The following DPP10 variants were observed in gnomAD, a reference collection of about 807,000 sequenced individuals.
DPP10 encodes the protein inactive dipeptidyl peptidase 10.
Under a neutral mutation model 120.9 loss-of-function variants are expected in DPP10, and 33 were observed. That is an observed-to-expected ratio of 0.27 (90% confidence interval 0.21 to 0.37). The LOEUF is 0.37. DPP10 is among the 10% of genes least tolerant of loss of function. The pLI is 1.00. For missense variants in DPP10, 816 were observed against 942.8 expected (o/e 0.87, Z 1.76); for synonymous variants, 337 against 326.1 (o/e 1.03, Z -0.36).
At chr2:115,197,655 C>T (rs2055381137) in intron 1 of DPP10, among the ~76,000 whole-genome samples, 2 of 152,150 alleles carry the variant, frequency 1.3e-5, no homozygotes. Flanking sequence ...GCCTTTAGAG[C>T]CTGCTATAAA....
chr2:114,852,151 CTTTTTTT>C (rs34580352), intron 1 of DPP10, among the ~76,000 whole-genome samples: 4 of 53,730 alleles, frequency 7.4e-5, no homozygotes, highest in African/African-American at 3.4e-4. Flanking sequence ...CGATTGCATC[CTTTTTTT>C]TTTTTTTTTT....
intron 1 of DPP10, among the ~76,000 whole-genome samples, chr2:114,608,657 C>T (rs760481830): frequency 1.6e-4 from 24 of 151,602 alleles, no homozygotes; most frequent in South Asian, 2.1e-4. Context: ...AATGATGCAC[C>T]GGGTAAAGCA....
chr2:115,813,145 C>T (rs917391854), intron 19 of DPP10, among the ~76,000 whole-genome samples: 2 of 146,762 alleles, frequency 1.4e-5, no homozygotes, highest in Non-Finnish European at 2.9e-5. Flanking sequence ...CCGCGCCCGG[C>T]TAATTTTTTG....
intron 5 of DPP10, among the ~76,000 whole-genome samples, chr2:115,596,521 CAT>C (rs2082998704): frequency 6.6e-6 from 1 of 152,082 alleles, no homozygotes; most frequent in Non-Finnish European, 1.5e-5. Flanking sequence ...CTTCACTTGT[CAT>C]ATTTCAAAGT....
intron 1 of DPP10, among the ~76,000 whole-genome samples, chr2:115,231,237 T>C (rs1343978835): frequency 6.6e-6 from 1 of 152,000 alleles, no homozygotes; most frequent in Admixed American, 6.6e-5. Flanking sequence ...TTATGAAGCC[T>C]AAAAAATTCT....
chr2:114,897,220 A>G (rs184922994), intron 1 of DPP10, among the ~76,000 whole-genome samples: 5 of 152,160 alleles, frequency 3.3e-5, no homozygotes, highest in East Asian at 1.9e-4. Flanking sequence ...GTCTCTGCCC[A>G]GCTTTGGTAT....
At chr2:114,763,589 G>A (rs1302885782) in intron 1 of DPP10, among the ~76,000 whole-genome samples, 3 of 152,016 alleles carry the variant, frequency 2.0e-5, no homozygotes, top group South Asian at 4.1e-4. Context: ...GCCAATATAA[G>A]GAGACTTCGT....
At chr2:115,598,703 G>A (rs1031422894) in intron 5 of DPP10, among the ~76,000 whole-genome samples, 1 of 151,220 alleles carries the variant, frequency 6.6e-6, no homozygotes, top group African/African-American at 2.4e-5. Context: ...TTAAAATAGG[G>A]CTTTTTTATA....
chr2:114,765,693 T>A (rs959237014), intron 1 of DPP10, among the ~76,000 whole-genome samples: 9 of 152,196 alleles, frequency 5.9e-5, no homozygotes, highest in African/African-American at 1.4e-4. Context: ...AATAATAATA[T>A]AATATCGAAC....
At chr2:115,537,143 G>T (rs1467347840) in intron 5 of DPP10, among the ~76,000 whole-genome samples, 1 of 151,922 alleles carries the variant, frequency 6.6e-6, no homozygotes, top group African/African-American at 2.4e-5. Flanking sequence ...CTTTAGCTTT[G>T]CATTCATTTA....
Position 114,758,250 on chromosome 2 carries a change from C to G in DPP10, c.60+315412C>G, listed in dbSNP as rs922463135. Reference sequence around the variant, plus strand: ...CTACCCAACTCTGTTCACTTTCTACCAAACAATCCTTCCCTAATATTGTAA... The same window carrying G: ...CTACCCAACTCTGTTCACTTTCTACGAAACAATCCTTCCCTAATATTGTAA... On this transcript the variant is annotated intron_variant, in intron 1 of 25. Coordinates refer to ENST00000410059, the MANE Select transcript of DPP10 (RefSeq NM_020868.6). 2.6e-5 allele frequency among the ~76,000 whole-genome samples: 4 copies of G among 152,290 alleles called. No individual in the cohort carries two copies. In the South Asian group the frequency reaches 8.3e-4, roughly 32 times the overall value.
intron 5 of DPP10, among the ~76,000 whole-genome samples, chr2:115,581,597 T>C (rs1051666529): frequency 6.6e-6 from 1 of 152,182 alleles, no homozygotes; most frequent in African/African-American, 2.4e-5. Flanking sequence ...TATAAAATTA[T>C]AGGTATGGTA....
chr2:115,082,312 G>A (rs976486077), intron 1 of DPP10, among the ~76,000 whole-genome samples: 1 of 152,134 alleles, frequency 6.6e-6, no homozygotes, highest in Admixed American at 6.6e-5. Context: ...TGGGCTTAAA[G>A]GAAGGTAGCC....
chr2:114,804,927 C>T (rs535943668), intron 1 of DPP10, among the ~76,000 whole-genome samples: 33 of 152,214 alleles, frequency 2.2e-4, no homozygotes, highest in Admixed American at 9.8e-4. Context: ...AGTTTGGCTG[C>T]GTCCCCACCC....
At chr2:114,727,733 C>T (rs952643779) in intron 1 of DPP10, among the ~76,000 whole-genome samples, 1 of 152,156 alleles carries the variant, frequency 6.6e-6, no homozygotes, top group Non-Finnish European at 1.5e-5. Flanking sequence ...TAAAGAACTC[C>T]TATAAACAAA....
At chr2:114,673,741 T>C (rs62165215) in intron 1 of DPP10, among the ~76,000 whole-genome samples, 9 of 152,152 alleles carry the variant, frequency 5.9e-5, no homozygotes, top group Non-Finnish European at 1.3e-4. Context: ...ATTACCTTTT[T>C]CTAAGTGTTA....
intron 1 of DPP10, among the ~76,000 whole-genome samples, chr2:114,924,106 A>G (rs1257079008): frequency 6.6e-6 from 1 of 152,090 alleles, no homozygotes; most frequent in Non-Finnish European, 1.5e-5. Flanking sequence ...CCTCACTTAC[A>G]ATGCAAATTT....
chr2:115,464,532 GA>G (rs1360760671), intron 3 of DPP10, among the ~76,000 whole-genome samples: 1 of 152,010 alleles, frequency 6.6e-6, no homozygotes, highest in Non-Finnish European at 1.5e-5. Flanking sequence ...TTAGCATCTT[GA>G]GAGCTTCAAA....
intron 1 of DPP10, among the ~76,000 whole-genome samples, chr2:114,939,272 A>AGG (rs377562350): frequency 6.6e-6 from 1 of 151,474 alleles, no homozygotes; most frequent in Non-Finnish European, 1.5e-5. Flanking sequence ...AGGTGTTGAA[A>AGG]GGGGGGGGTG....
Sources: allele counts gnomAD v4.1 joint callset (sites outside exome capture counted in the v4.1 genomes callset), GRCh38; gene constraint gnomAD v4.1.1; transcripts MANE v1.5; gene names NCBI Gene and HGNC (gene_info 2026-07-23, HGNC 2026-07-21).